KCND2: variants seen among roughly 807,000 people sequenced by gnomAD.
KCND2 encodes potassium voltage-gated channel subfamily D member 2, also known as A-type voltage-gated potassium channel KCND2.
Under a neutral mutation model 54.4 loss-of-function variants are expected in KCND2, and 16 were observed. The observed-to-expected ratio is 0.29, with a 90% CI of 0.20 to 0.45. The LOEUF is 0.45. Among genes scored for constraint, KCND2 ranks in the 20% least tolerant of loss-of-function variants. The pLI is 1.00. For synonymous variants in KCND2, 317 were observed against 310.7 expected (o/e 1.02, Z -0.21); for missense variants, 486 against 824.2 (o/e 0.59, Z 5.02).
intron 1 of KCND2, among the ~76,000 whole-genome samples, chr7:120,529,643 A>G (rs75142726): frequency 0.013 from 1,921 of 152,256 alleles, 36 homozygotes; most frequent in African/African-American, 0.044. Flanking sequence ...GTTGAAAGTC[A>G]CTTTAAACAC....
rs868260891 is a variant in KCND2, at chr7:120,749,869, C to G, written c.*2011C>G. On this transcript the variant is annotated 3_prime_UTR_variant, in exon 6 of 6. Coordinates refer to ENST00000331113, the MANE Select transcript of KCND2 (RefSeq NM_012281.3). ...TTATCTGATGGCATTTATTGAAAAC[C>G]TTCTAAAAAGTAGACTAAGGAAACC... 3.3e-5 allele frequency: 5 copies of G among 151,954 alleles called. No individual in the cohort carries two copies. The highest frequency in any genetic ancestry group is 7.4e-5 in the Non-Finnish European group (5 of 67,820). The allele number at this position is 151,954 out of a possible 1,614,324, so 9.4% of individuals were successfully genotyped here.
At chr7:120,589,730 A>G (rs1792646576) in intron 1 of KCND2, among the ~76,000 whole-genome samples, 2 of 152,234 alleles carry the variant, frequency 1.3e-5, no homozygotes, top group Admixed American at 1.3e-4. Flanking sequence ...TCTTCTTTCT[A>G]TATGAATTCT....
chr7:120,455,435 G>A (rs1360836514), intron 1 of KCND2, among the ~76,000 whole-genome samples: 5 of 151,864 alleles, frequency 3.3e-5, no homozygotes, highest in African/African-American at 1.2e-4. Flanking sequence ...AGTTTCTCAG[G>A]GAACTTAAAA....
Position 120,747,286 on chromosome 7 carries a change from T to C in KCND2, c.1716-395T>C, listed in dbSNP as rs1429463831. On this transcript the variant is annotated intron_variant, in intron 5 of 5. Transcript: ENST00000331113. Reference sequence around the variant, plus strand: ...AAGACATGAAAATAAAAATATTCTGTGGTCAAAGGAATTAAGAAATCAATG... The same window carrying C: ...AAGACATGAAAATAAAAATATTCTGCGGTCAAAGGAATTAAGAAATCAATG... Among the ~76,000 whole-genome samples, 3 of 152,104 alleles carry C rather than the reference T, an allele frequency of 2.0e-5. 1 individual carries two copies. The highest frequency in any genetic ancestry group is 1.3e-4 in the Admixed American group (2 of 15,240).
chr7:120,366,968 G>A (rs548905636), intron 1 of KCND2, among the ~76,000 whole-genome samples: 1 of 152,056 alleles, frequency 6.6e-6, no homozygotes, highest in East Asian at 1.9e-4. Context: ...AATCAAATTA[G>A]ATAATATACA....
intron 1 of KCND2, among the ~76,000 whole-genome samples, chr7:120,517,140 T>C (rs1440761490): frequency 6.6e-6 from 1 of 152,092 alleles, no homozygotes; most frequent in East Asian, 1.9e-4. Flanking sequence ...GTAACCTCAT[T>C]GTACATTTAA....
intron 1 of KCND2, among the ~76,000 whole-genome samples, chr7:120,298,482 T>A (rs1799541584): frequency 2.0e-5 from 3 of 152,190 alleles, no homozygotes. Context: ...GATTTTAAAT[T>A]GAATATCAGT....
intron 1 of KCND2, among the ~76,000 whole-genome samples, chr7:120,515,794 A>G (rs2116338856): frequency 6.6e-6 from 1 of 152,246 alleles, no homozygotes; most frequent in Non-Finnish European, 1.5e-5. Context: ...AGGAGCAGGA[A>G]GCCAAACGTT....
chr7:120,458,250 A>G (rs7809257), intron 1 of KCND2, among the ~76,000 whole-genome samples: 15,526 of 152,224 alleles, frequency 0.1, 830 homozygotes, highest in Admixed American at 0.13. Context: ...AACTCGTTAT[A>G]CTATGTTTTT....
At chr7:120,382,649 C>T (rs1282258513) in intron 1 of KCND2, among the ~76,000 whole-genome samples, 1 of 151,718 alleles carries the variant, frequency 6.6e-6, no homozygotes, top group Non-Finnish European at 1.5e-5. Context: ...AGTATCTTTT[C>T]TTGAGTATAT....
At chr7:120,309,474 TACACACAC>T (rs1209573900) in intron 1 of KCND2, among the ~76,000 whole-genome samples, 1,357 of 113,256 alleles carry the variant, frequency 0.012, 30 homozygotes, top group African/African-American at 0.041. Flanking sequence ...TATATATATA[TACACACAC>T]ACACACACAC....
At chr7:120,350,504 A>G (rs1800385656) in intron 1 of KCND2, among the ~76,000 whole-genome samples, 1 of 152,170 alleles carries the variant, frequency 6.6e-6, no homozygotes, top group Admixed American at 6.6e-5. Context: ...TACAGCTTTA[A>G]CAGTGCACTA....
chr7:120,402,912 A>T (rs971265652), intron 1 of KCND2, among the ~76,000 whole-genome samples: 4 of 152,208 alleles, frequency 2.6e-5, no homozygotes, highest in Admixed American at 2.6e-4. Flanking sequence ...GACAGAATAG[A>T]TATTCAATCC....
intron 1 of KCND2, among the ~76,000 whole-genome samples, chr7:120,579,637 TAAATAAATA>T (rs1431312563): frequency 7.9e-4 from 105 of 133,416 alleles, no homozygotes; most frequent in Middle Eastern, 3.6e-3. Flanking sequence ...AATAAATAAA[TAAATAAATA>T]AAATAAAATA....
At chr7:120,306,171 T>G (rs929961136) in intron 1 of KCND2, among the ~76,000 whole-genome samples, 3 of 152,098 alleles carry the variant, frequency 2.0e-5, no homozygotes, top group Non-Finnish European at 4.4e-5. Context: ...AATCCTATAT[T>G]GCCTTGACAT....
chr7:120,381,086 C>T (rs1002118934), intron 1 of KCND2, among the ~76,000 whole-genome samples: 1 of 151,656 alleles, frequency 6.6e-6, no homozygotes, highest in Non-Finnish European at 1.5e-5. Context: ...AGCTCAGCCT[C>T]GCCAATATAG....
At chr7:120,428,748 T>G (rs78438458) in intron 1 of KCND2, among the ~76,000 whole-genome samples, 4,057 of 152,158 alleles carry the variant, frequency 0.027, 85 homozygotes, top group Non-Finnish European at 0.045. Flanking sequence ...AGTAATCGAG[T>G]TCAGAGATAT....
At chr7:120,276,028 T>C (rs1297127577) in intron 1 of KCND2, among the ~76,000 whole-genome samples, 3 of 152,158 alleles carry the variant, frequency 2.0e-5, no homozygotes, top group Non-Finnish European at 2.9e-5. Context: ...TAGCAATATT[T>C]ATATTAATAT....
chr7:120,591,612 A>G (rs1010292915), intron 1 of KCND2, among the ~76,000 whole-genome samples: 3 of 152,174 alleles, frequency 2.0e-5, no homozygotes, highest in African/African-American at 7.2e-5. Flanking sequence ...AATCATAACC[A>G]TGCTCAACCT....
Sources: gnomAD v4.1 joint callset for allele counts (sites outside exome capture counted in the v4.1 genomes callset) on GRCh38, gnomAD v4.1.1 for gene constraint, MANE v1.5 for transcripts, NCBI Gene and HGNC (gene_info 2026-07-23, HGNC 2026-07-21) for gene names.